The following TRIM6 variants were observed in gnomAD, a reference collection of about 807,000 sequenced individuals.
TRIM6 encodes tripartite motif containing 6.
A neutral mutation model predicts 51.2 loss-of-function variants in TRIM6; 43 were observed. That is an observed-to-expected ratio of 0.84 (90% confidence interval 0.66 to 1.08). TRIM6 has a LOEUF of 1.08. Among genes scored for constraint, TRIM6 ranks in the 50% least tolerant of loss-of-function variants. TRIM6 has a pLI of 0.00. For synonymous variants in TRIM6, 215 were observed against 232.4 expected (o/e 0.93, Z 0.68); for missense variants, 669 against 619.0 (o/e 1.08, Z -0.86).
chr11:5,611,253 T>G lies in TRIM6; in HGVS notation c.1462T>G (p.Ser488Ala), dbSNP rs181790286. The G allele has an allele frequency of 8.1e-6, 13 of 1,614,098 alleles. No individual in the cohort carries two copies. The African/African-American group carries it at 1.3e-4, about 17-fold the overall frequency. ...CCATGGCTTCCCCATCTACACTTTC[T>G]CTAAATATTACTTTCCCACTACTCT... ...TNHGFPIYTF[S>A]KYYFPTTLCP... Residue 488 changes from serine to alanine, a missense_variant, in exon 8 of 8, where the codon TCT becomes GCT. Physicochemically the swap from Ser to Ala is moderately conservative, Grantham distance 99 (BLOSUM62 1). Transcript: ENST00000380097.
At chr11:5,602,370 G>A (rs183917717) in intron 1 of TRIM6, among the ~76,000 whole-genome samples, 17 of 151,988 alleles carry the variant, frequency 1.1e-4, no homozygotes, top group South Asian at 8.3e-4. Context: ...TTGAACCCAG[G>A]AGGCGGAGCT....
chr11:5,600,299 T>C lies in TRIM6; in HGVS notation c.18-2947T>C, dbSNP rs1437343681. ...TTAAGGGACATTCATAATGTTGTTA[T>C]GTGGAATTATTGAGTTATTATGTAC... On this transcript the variant is annotated intron_variant, in intron 1 of 7. Coordinates refer to ENST00000380097, the MANE Select transcript of TRIM6 (RefSeq NM_001003818.3). 2.6e-5 allele frequency among the ~76,000 whole-genome samples: 4 copies of C among 152,222 alleles called. No homozygotes were observed. The East Asian group carries it at 7.7e-4, about 29-fold the overall frequency.
intron 5 of TRIM6, among the ~76,000 whole-genome samples, chr11:5,609,401 T>C (rs974258109): frequency 2.0e-5 from 3 of 152,136 alleles, no homozygotes; most frequent in African/African-American, 7.2e-5. Flanking sequence ...AAGAAACCCC[T>C]TCATTTGATA....
intron 1 of TRIM6, among the ~76,000 whole-genome samples, chr11:5,599,443 G>A (rs375926866): frequency 2.7e-5 from 4 of 150,378 alleles, no homozygotes; most frequent in East Asian, 3.9e-4. Flanking sequence ...TCGCTCTGTC[G>A]CCCAGGCTGG....
Position 5,603,236 on chromosome 11 carries a change from A to C in TRIM6, c.18-10A>C. 1 of 1,605,596 alleles carries C rather than the reference A, an allele frequency of 6.2e-7. No individual in the cohort carries two copies. The highest frequency in any genetic ancestry group is 8.5e-7 in the Non-Finnish European group (1 of 1,175,724). ...ACCCTGATCCTTTTTTTGTTTGTTC[A>C]TCTACCTAGGATTCTACAGGCAGGA... On this transcript the variant is annotated splice_polypyrimidine_tract_variant and intron_variant, in intron 1 of 7. Coordinates refer to ENST00000380097, the MANE Select transcript of TRIM6 (RefSeq NM_001003818.3).
chr11:5,605,557 A>G lies in TRIM6; in HGVS notation c.824A>G (p.Glu275Gly). 1 of 1,612,700 alleles carries G rather than the reference A, an allele frequency of 6.2e-7. No homozygotes were observed. Among genetic ancestry groups the G allele is most frequent in the Non-Finnish European group, 8.5e-7 (1 of 1,179,482 alleles). ...LERRCQGSTMELLQDVSDVTE... is the reference protein window; with the variant it reads ...LERRCQGSTMGLLQDVSDVTE... ...CGTCGATGTCAGGGGTCAACAATGGAGCTGCTGCAGGTAAGGCTTGTGAAG... is the reference window on the plus strand; with the variant it reads ...CGTCGATGTCAGGGGTCAACAATGGGGCTGCTGCAGGTAAGGCTTGTGAAG... The change falls in exon 4 of 8, where the codon GAG becomes GGG. Residue 275 changes from glutamate (E) to glycine (G), a missense_variant. Coordinates refer to ENST00000380097, the MANE Select transcript of TRIM6 (RefSeq NM_001003818.3).
chr11:5,608,681 ACT>A (rs1848371984), intron 5 of TRIM6, among the ~76,000 whole-genome samples: 1 of 151,212 alleles, frequency 6.6e-6, no homozygotes, highest in African/African-American at 2.4e-5. Context: ...ACAAAGGGAG[ACT>A]CTGCCTCAAA....
At chr11:5,601,404 A>C (rs141046578) in intron 1 of TRIM6, among the ~76,000 whole-genome samples, 1 of 152,232 alleles carries the variant, frequency 6.6e-6, no homozygotes, top group African/African-American at 2.4e-5. Flanking sequence ...AGGGATAAAG[A>C]AAGCAAGAGA....
intron 5 of TRIM6, among the ~76,000 whole-genome samples, chr11:5,609,651 A>G (rs1848447489): frequency 6.6e-6 from 1 of 152,194 alleles, no homozygotes; most frequent in Admixed American, 6.6e-5. Flanking sequence ...GGACAGGCGC[A>G]GTGACTCACA....
intron 2 of TRIM6, 62 bp from the exon 3 acceptor site, chr11:5,604,472 A>G (rs1194029888): frequency 2.9e-5 from 44 of 1,542,264 alleles, no homozygotes; most frequent in South Asian, 6.4e-5. Flanking sequence ...CATTCATTCT[A>G]TGTCTGGGTA....
intron 1 of TRIM6, among the ~76,000 whole-genome samples, chr11:5,601,810 G>T (rs1042394849): frequency 2.2e-4 from 33 of 152,204 alleles, no homozygotes; most frequent in African/African-American, 6.7e-4. Flanking sequence ...TGTTTCTTTG[G>T]TTTTTTTCTG....
chr11:5,601,241 A>T (rs1379249441), intron 1 of TRIM6, among the ~76,000 whole-genome samples: 1 of 152,200 alleles, frequency 6.6e-6, no homozygotes, highest in Non-Finnish European at 1.5e-5. Context: ...GGTCAAAGTT[A>T]TGAGTTTGAG....
At chr11:5,596,959 C>G in intron 1 of TRIM6, 45 bp downstream of exon 1, 2 of 1,613,950 alleles carry the variant, frequency 1.2e-6, no homozygotes, top group South Asian at 1.1e-5. Flanking sequence ...TCACTTCTGG[C>G]AGAGGTGACA....
intron 1 of TRIM6, among the ~76,000 whole-genome samples, chr11:5,599,468 A>G (rs1308484864): frequency 6.6e-6 from 1 of 152,002 alleles, no homozygotes; most frequent in Non-Finnish European, 1.5e-5. Flanking sequence ...CAGTGGCACG[A>G]TCTCGACTCA....
In TRIM6 at chr11:5,608,363, C is replaced by G; in HGVS notation, c.835-9C>G. ...ACTCCTTGACTTAACCTGTCTTTTT[C>G]CTTCCTAGGATGTGAGTGATGTCAC... is the stretch of plus-strand genomic sequence containing the variant. On this transcript the variant is annotated splice_polypyrimidine_tract_variant and intron_variant, in intron 4 of 7. Transcript: ENST00000380097. 1 of 1,613,224 alleles carries G rather than the reference C, an allele frequency of 6.2e-7. No homozygotes were observed. The highest frequency in any genetic ancestry group is 1.1e-5 in the South Asian group (1 of 90,994).
intron 3 of TRIM6, 134 bp downstream of exon 3, chr11:5,604,763 C>T (rs981431783): frequency 3.6e-6 from 3 of 841,426 alleles, no homozygotes; most frequent in South Asian, 2.3e-5. Flanking sequence ...CCTGGTCCTC[C>T]ACTATATTCC....
chr11:5,610,601 G>A, intron 7 of TRIM6, 40 bp downstream of exon 7: 1 of 1,601,796 alleles, frequency 6.2e-7, no homozygotes, highest in South Asian at 1.1e-5. Context: ...GGCACATTCT[G>A]ATCTCCTTTC....
chr11:5,604,373 A>G (rs7108470), intron 2 of TRIM6, among the ~76,000 whole-genome samples, 161 bp from the exon 3 acceptor site: 67,792 of 151,942 alleles, frequency 0.45, 15,643 homozygotes, highest in East Asian at 0.68. Context: ...TTTTCATCCC[A>G]TGTATATATA....
chr11:5,610,390 C>G lies in TRIM6; in HGVS notation c.958+145C>G, dbSNP rs570112678. On this transcript the variant is annotated intron_variant, in intron 6 of 7. Transcript: ENST00000380097. ...GGGACATAGTGTGCTGAAGAAGATG[C>G]GGTTTGTATTTAAGGGGAGATGAAA... The G allele has an allele frequency of 8.2e-5, 129 of 1,565,264 alleles. 1 individual carries two copies. In the South Asian group the frequency reaches 1.3e-3, roughly 16 times the overall value.
Sources: allele counts gnomAD v4.1 joint callset (sites outside exome capture counted in the v4.1 genomes callset), GRCh38; gene constraint gnomAD v4.1.1; transcripts MANE v1.5; gene names NCBI Gene and HGNC (gene_info 2026-07-23, HGNC 2026-07-21).